TRABD2B: variants seen among roughly 807,000 people sequenced by gnomAD.
The protein encoded by TRABD2B is TraB domain containing 2B, also known as metalloprotease TIKI2.
Under a neutral mutation model 40.1 loss-of-function variants are expected in TRABD2B, and 14 were observed. That is an observed-to-expected ratio of 0.35 (90% confidence interval 0.23 to 0.55). TRABD2B has a LOEUF of 0.55. TRABD2B is among the 20% of genes least tolerant of loss of function. The pLI is 0.90. For synonymous variants in TRABD2B, 263 were observed against 277.0 expected, an observed-to-expected ratio of 0.95 and a Z score of 0.50; for missense variants, 541 against 648.6, an observed-to-expected ratio of 0.83 and a Z score of 1.80.
At chr1:47,894,010 AACTT>A (rs757629431) in intron 2 of TRABD2B, among the ~76,000 whole-genome samples, 1 of 152,218 alleles carries the variant, frequency 6.6e-6, no homozygotes, top group Admixed American at 6.5e-5. Context: ...CTCCTCCTTG[AACTT>A]ACTTATATTG....
intron 2 of TRABD2B, among the ~76,000 whole-genome samples, chr1:47,869,200 C>G (rs554196389): frequency 3.3e-5 from 5 of 152,170 alleles, no homozygotes; most frequent in Non-Finnish European, 7.3e-5. Context: ...CATACACATA[C>G]ATGTATACAT....
intron 2 of TRABD2B, among the ~76,000 whole-genome samples, chr1:47,822,954 C>T (rs2124416670): frequency 6.6e-6 from 1 of 152,366 alleles, no homozygotes; most frequent in African/African-American, 2.4e-5. Context: ...ATCTGAGTAC[C>T]TCCAAGGTGC....
intron 2 of TRABD2B, among the ~76,000 whole-genome samples, chr1:47,894,382 A>T (rs2124660969): frequency 6.6e-6 from 1 of 152,240 alleles, no homozygotes; most frequent in East Asian, 1.9e-4. Flanking sequence ...ACAGTGCTTG[A>T]CACATGGCAG....
intron 2 of TRABD2B, among the ~76,000 whole-genome samples, chr1:47,805,024 G>A (rs1004275987): frequency 3.3e-5 from 5 of 152,196 alleles, no homozygotes; most frequent in Non-Finnish European, 7.3e-5. Flanking sequence ...CCTAGTTTGA[G>A]AACCACTGAT....
intron 2 of TRABD2B, among the ~76,000 whole-genome samples, chr1:47,893,566 C>G (rs565321443): frequency 6.6e-6 from 1 of 152,274 alleles, no homozygotes; most frequent in African/African-American, 2.4e-5. Flanking sequence ...ATGCTCTTAG[C>G]GCACCTTGCC....
intron 2 of TRABD2B, among the ~76,000 whole-genome samples, chr1:47,864,475 A>AG (rs1644025747): frequency 2.0e-5 from 3 of 152,116 alleles, no homozygotes; most frequent in Non-Finnish European, 4.4e-5. Flanking sequence ...TAAAAAAAAA[A>AG]AAGTCTTACA....
chr1:47,948,332 A>G (rs1645288755), intron 2 of TRABD2B, among the ~76,000 whole-genome samples: 1 of 152,176 alleles, frequency 6.6e-6, no homozygotes, highest in South Asian at 2.1e-4. Flanking sequence ...CAAAAGGTAC[A>G]AGGAGTCTAG....
intron 6 of TRABD2B, among the ~76,000 whole-genome samples, chr1:47,767,890 A>G (rs1644326725): frequency 6.6e-6 from 1 of 152,144 alleles, no homozygotes; most frequent in Non-Finnish European, 1.5e-5. Flanking sequence ...GCCTGTAATC[A>G]CCACCACCAG....
At chr1:47,770,470 T>C (rs1644363987) in intron 6 of TRABD2B, among the ~76,000 whole-genome samples, 1 of 152,226 alleles carries the variant, frequency 6.6e-6, no homozygotes, top group Admixed American at 6.5e-5. Flanking sequence ...ACTGATCAAT[T>C]CCATCTTGGG....
At chr1:47,778,737 C>A (rs187966887) in intron 4 of TRABD2B, among the ~76,000 whole-genome samples, 193 bp from the exon 5 acceptor site, 158 of 152,342 alleles carry the variant, frequency 1.0e-3, no homozygotes, top group Non-Finnish European at 2.0e-3. Context: ...GGGTTCAAAT[C>A]CTGGCTCTGC....
chr1:47,870,459 CT>C (rs992874015), intron 2 of TRABD2B, among the ~76,000 whole-genome samples: 4 of 152,204 alleles, frequency 2.6e-5, no homozygotes, highest in South Asian at 2.1e-4. Context: ...CCCCTTCCCC[CT>C]AGCCTCAATC....
At chr1:47,982,241 G>C (rs1357535749) in intron 2 of TRABD2B, among the ~76,000 whole-genome samples, 2 of 152,040 alleles carry the variant, frequency 1.3e-5, no homozygotes, top group African/African-American at 4.8e-5. Context: ...GTACAGAATG[G>C]GCTTCACTTC....
intron 2 of TRABD2B, among the ~76,000 whole-genome samples, chr1:47,841,938 A>T (rs1281418532): frequency 6.6e-6 from 1 of 151,566 alleles, no homozygotes; most frequent in African/African-American, 2.4e-5. Context: ...TGCCTGGCTA[A>T]TTTTTTTGTA....
chr1:47,874,941 T>G (rs1300322832), intron 2 of TRABD2B, among the ~76,000 whole-genome samples: 1 of 152,080 alleles, frequency 6.6e-6, no homozygotes, highest in Non-Finnish European at 1.5e-5. Context: ...TGGTTATTCT[T>G]GTCTCCTCAC....
At chr1:47,850,964 T>C (rs779106000) in intron 2 of TRABD2B, among the ~76,000 whole-genome samples, 2 of 152,190 alleles carry the variant, frequency 1.3e-5, no homozygotes, top group African/African-American at 2.4e-5. Flanking sequence ...ACAGGGTTCA[T>C]GCTCCTCTGA....
intron 2 of TRABD2B, among the ~76,000 whole-genome samples, chr1:47,809,206 C>G (rs958103142): frequency 6.6e-6 from 1 of 152,176 alleles, no homozygotes; most frequent in Non-Finnish European, 1.5e-5. Context: ...CCCCAAAGCA[C>G]CTGACACTTC....
chr1:47,959,623 A>C (rs926841574), intron 2 of TRABD2B, among the ~76,000 whole-genome samples: 5 of 152,238 alleles, frequency 3.3e-5, no homozygotes, highest in African/African-American at 4.8e-5. Context: ...AGAAATGGAT[A>C]AATTCCTGGA....
chr1:47,990,442 A>G lies in TRABD2B; in HGVS notation c.666+3592T>C, dbSNP rs146428333. On this transcript the variant is annotated intron_variant, in intron 2 of 6. Coordinates refer to ENST00000606738, the MANE Select transcript of TRABD2B (RefSeq NM_001194986.2). Reference sequence around the variant, plus strand: ...AGACTTAGGCATCCTTGGGCCCCCAAGGGCAGGGGCTCACCGCCTCCTAAT... The same window carrying G: ...AGACTTAGGCATCCTTGGGCCCCCAGGGGCAGGGGCTCACCGCCTCCTAAT... 7.2e-5 allele frequency among the ~76,000 whole-genome samples: 11 copies of G among 152,178 alleles called. No individual in the cohort carries two copies. The South Asian group carries it at 1.5e-3, about 20-fold the overall frequency.
chr1:47,893,649 T>C (rs748188400), intron 2 of TRABD2B, among the ~76,000 whole-genome samples: 2 of 152,230 alleles, frequency 1.3e-5, no homozygotes, highest in Non-Finnish European at 2.9e-5. Flanking sequence ...GTGTTTGATT[T>C]GACAATGAGT....
Sources: gnomAD v4.1 joint callset for allele counts (sites outside exome capture counted in the v4.1 genomes callset) on GRCh38, gnomAD v4.1.1 for gene constraint, MANE v1.5 for transcripts, NCBI Gene and HGNC (gene_info 2026-07-23, HGNC 2026-07-21) for gene names.